The following PLA2G3 variants were observed in gnomAD, a reference collection of about 807,000 sequenced individuals.
PLA2G3 encodes the protein phospholipase A2 group III, also known as group 3 secretory phospholipase A2.
In PLA2G3, 39 loss-of-function variants were observed where a neutral mutation model predicts 51.3. The ratio of observed to expected loss-of-function variants is 0.76; its 90% CI spans 0.59 to 0.99. PLA2G3 has a LOEUF of 0.99. PLA2G3 is among the 50% of genes least tolerant of loss of function. PLA2G3 has a pLI of 0.00. For missense variants in PLA2G3, 677 were observed against 662.1 expected (o/e 1.02, Z -0.25); for synonymous variants, 293 against 263.1 (o/e 1.11, Z -1.10).
At position 31,136,951 on chromosome 22, in the gene PLA2G3, T is replaced by C. The variant is rs1922605984; in HGVS notation, c.1156A>G (p.Asn386Asp). ...GPREIEFQLLNSAQEPLFHCN... is the reference protein window; with the variant it reads ...GPREIEFQLLDSAQEPLFHCN... ...TGGAAGAGGGGCTCTTGGGCGCTGT[T>C]GAGCAGCTGGAACTCGATTTCCCGG... The change falls in exon 5 of 7, where the codon AAC becomes GAC. Residue 386 changes from asparagine (N) to aspartate (D), a missense_variant. By Grantham distance (23) the Asn-to-Asp change is conservative. Coordinates refer to ENST00000215885, the MANE Select transcript of PLA2G3 (RefSeq NM_015715.5). 6.3e-7 allele frequency: 1 copy of C among 1,599,632 alleles called. No individual in the cohort carries two copies. Among genetic ancestry groups the C allele is most frequent in the Admixed American group, 1.8e-5 (1 of 56,760 alleles).
In PLA2G3 at chr22:31,138,708, G is replaced by C; in HGVS notation, c.606C>G (p.Asn202Lys). Residue 202 changes from asparagine to lysine, a missense_variant, in exon 2 of 7, where the codon AAC becomes AAG. Asn to Lys is a moderately conservative substitution (Grantham distance 94, BLOSUM62 0). Coordinates refer to ENST00000215885, the MANE Select transcript of PLA2G3 (RefSeq NM_015715.5). ...AGTGGGAGATGGTGTGGAATCGGTA[G>C]TTTCGGATGCCATAGTTGTACTGCA... ...SPLQYNYGIR[N>K]YRFHTISHCD... The C allele has an allele frequency of 1.2e-6, 2 of 1,614,144 alleles. No individual in the cohort carries two copies. Among genetic ancestry groups the C allele is most frequent in the Non-Finnish European group, 1.7e-6 (2 of 1,180,012 alleles).
In PLA2G3 at chr22:31,140,282, G is replaced by A. The variant is rs1167501847; in HGVS notation, c.73C>T (p.Arg25Cys). ...AAGTGGCAGGAGGTCCTGTACCAGC[G>A]GAGGGCAGGGGAGCCCCCCAGGGCC... is the stretch of plus-strand genomic sequence containing the variant. Reference protein sequence around the residue: ...GVALGGSPALRWYRTSCHLTK... With the variant: ...GVALGGSPALCWYRTSCHLTK... The change falls in exon 1 of 7, where the codon CGC (arginine) becomes TGC (cysteine). Residue 25 changes from arginine to cysteine, a missense_variant. Arg to Cys is a radical substitution (Grantham distance 180). Transcript: ENST00000215885. 12 of 1,611,570 alleles carry A rather than the reference G, an allele frequency of 7.4e-6. No individual in the cohort carries two copies. In the East Asian group the frequency reaches 1.3e-4, roughly 18 times the overall value.
At chr22:31,137,624 A>G in intron 4 of PLA2G3, 86 bp downstream of exon 4, 1 of 1,239,710 alleles carries the variant, frequency 8.1e-7, no homozygotes, top group Non-Finnish European at 1.1e-6. Context: ...CTGGTGCAGG[A>G]AAAGAGGCAA....
rs1482962814 is a variant in PLA2G3 at position 31,134,974 on chromosome 22, CTTA to C, written c.*746_*748del. The C allele has an allele frequency of 6.5e-6, 1 of 152,912 alleles. No homozygotes were observed. The highest frequency in any genetic ancestry group is 1.5e-5 in the Non-Finnish European group (1 of 68,616). The allele number at this position is 152,912 out of a possible 1,614,324, so 9.5% of individuals were successfully genotyped here. A position where few individuals can be genotyped will look rare whatever the true frequency, so the allele number is the denominator to read the frequency against. On this transcript the variant is annotated 3_prime_UTR_variant, in exon 7 of 7. Coordinates refer to ENST00000215885, the MANE Select transcript of PLA2G3 (RefSeq NM_015715.5). Reference sequence around the variant, plus strand: ...CAGCTAGGTGTCGCAGGGGGGAATACTTATTAAGTGCTAAGCACTGTATATGTA... The same window carrying C: ...CAGCTAGGTGTCGCAGGGGGGAATACTTAAGTGCTAAGCACTGTATATGTA...
At chr22:31,135,976 C>G in intron 6 of PLA2G3, 40 bp from the exon 7 acceptor site, 1 of 1,530,626 alleles carries the variant, frequency 6.5e-7, no homozygotes, top group Non-Finnish European at 9.0e-7. Context: ...TCAGGGCTGA[C>G]AAGGATCCCA....
intron 1 of PLA2G3, among the ~76,000 whole-genome samples, chr22:31,139,551 T>G (rs80290705): frequency 2.0e-5 from 3 of 152,098 alleles, no homozygotes; most frequent in Non-Finnish European, 4.4e-5. Context: ...TCCTGGGTAA[T>G]GGCTTTTTGG....
In PLA2G3 at chr22:31,139,984, C is replaced by T; in HGVS notation, c.371G>A (p.Ser124Asn). ...QWEACRALEE[S>N]PAGARKKRAA... ...TCGCTTCTTCCTGGCCCCTGCTGGA[C>T]TCTCCTCAAGCGCTCGGCATGCCTC... Residue 124 changes from serine to asparagine, a missense_variant, in exon 1 of 7, where the codon AGT becomes AAT. By Grantham distance (46) the Ser-to-Asn change is conservative (BLOSUM62 1). Transcript: ENST00000215885. 6.2e-7 allele frequency: 1 copy of T among 1,613,966 alleles called. No homozygotes were observed. Among genetic ancestry groups the T allele is most frequent in the Non-Finnish European group, 8.5e-7 (1 of 1,180,040 alleles).
chr22:31,138,854 C>T, intron 1 of PLA2G3, 55 bp from the exon 2 acceptor site: 1 of 1,584,956 alleles, frequency 6.3e-7, no homozygotes, highest in South Asian at 1.1e-5. Flanking sequence ...AGGCATCATG[C>T]ACCAGCTATG....
Position 31,135,805 on chromosome 22 carries a change from G to A in PLA2G3, c.1448C>T (p.Pro483Leu). 6.2e-7 allele frequency: 1 copy of A among 1,614,014 alleles called. No individual in the cohort carries two copies. The highest frequency in any genetic ancestry group is 2.2e-5 in the East Asian group (1 of 44,884). ...CAGGCACTGGTTGTAGAATGACATG[G>A]GGCCTCTCAGGGGCTCTGAAGGCCA... ...QPWPSEPLRG[P>L]MSFYNQCLQL... The change falls in exon 7 of 7, where the codon CCC becomes CTC. Residue 483 changes from proline to leucine, a missense_variant. Pro to Leu is a moderately conservative substitution (Grantham distance 98). Coordinates refer to ENST00000215885, the MANE Select transcript of PLA2G3 (RefSeq NM_015715.5).
intron 6 of PLA2G3, 80 bp downstream of exon 6, chr22:31,136,602 TG>T: frequency 9.2e-7 from 1 of 1,089,162 alleles, no homozygotes; most frequent in Non-Finnish European, 1.4e-6. Flanking sequence ...CCCTACCCCT[TG>T]GCCCAAGCAT....
intron 3 of PLA2G3, 123 bp from the exon 4 acceptor site, chr22:31,138,116 G>A (rs573186627): frequency 9.0e-6 from 12 of 1,334,356 alleles, no homozygotes; most frequent in African/African-American, 7.3e-5. Flanking sequence ...GGTTGTGGGG[G>A]ACACCCAAGG....
rs1922736441 is a variant in PLA2G3 at position 31,138,746 on chromosome 22, T to C, written c.568A>G (p.Asn190Asp). ...TAGTTGTACTGCAAGGGTGAGATGT[T>C]CTGTGGGCAGCGGTCATGTTCCCGG... is the stretch of plus-strand genomic sequence containing the variant. ...CCREHDRCPQ[N>D]ISPLQYNYGI... is the part of the protein sequence containing the mutation. The change falls in exon 2 of 7, where the codon AAC (asparagine) becomes GAC (aspartate). Residue 190 changes from asparagine to aspartate, a missense_variant. By Grantham distance (23) the Asn-to-Asp change is conservative. Coordinates refer to ENST00000215885, the MANE Select transcript of PLA2G3 (RefSeq NM_015715.5). 6.2e-7 allele frequency: 1 copy of C among 1,613,892 alleles called. No individual in the cohort carries two copies. Among genetic ancestry groups the C allele is most frequent in the Non-Finnish European group, 8.5e-7 (1 of 1,180,000 alleles).
In PLA2G3 at chr22:31,140,318, A is replaced by G. The variant is rs1386180712; in HGVS notation, c.37T>C (p.Phe13Leu). 1 of 1,608,616 alleles carries G rather than the reference A, an allele frequency of 6.2e-7. No homozygotes were observed. Among genetic ancestry groups the G allele is most frequent in the African/African-American group, 1.3e-5 (1 of 74,880 alleles). ...GAGCCCCCCAGGGCCACCCCCAGGA[A>G]GCCCAGCATCCCAAACAGCCCTGCC... is the stretch of plus-strand genomic sequence containing the variant. ...VQAGLFGMLG[F>L]LGVALGGSPA... is the part of the protein sequence containing the mutation. The change falls in exon 1 of 7, where the codon TTC becomes CTC. Residue 13 changes from phenylalanine (F) to leucine (L), a missense_variant. By Grantham distance (22) the Phe-to-Leu change is conservative. Coordinates refer to ENST00000215885, the MANE Select transcript of PLA2G3 (RefSeq NM_015715.5).
Position 31,136,716 on chromosome 22 carries a change from A to G in PLA2G3, c.1283T>C (p.Leu428Pro), listed in dbSNP as rs142563030. 1,249 of 1,613,404 alleles carry G rather than the reference A, an allele frequency of 7.7e-4. 4 individuals carry two copies. Among genetic ancestry groups the G allele is most frequent in the Middle Eastern group, 4.0e-3 (24 of 6,052 alleles). ...TTCCACACAGTCCAGTGGAGGGGCC[A>G]GCTTGAAGCAGGTTGTGCCCAGCAG... ...WELLGTTCFK[L>P]APPLDCVEGK... is the part of the protein sequence containing the mutation. The change falls in exon 6 of 7, where the codon CTG (leucine) becomes CCG (proline). Residue 428 changes from leucine to proline, a missense_variant. Coordinates refer to ENST00000215885, the MANE Select transcript of PLA2G3 (RefSeq NM_015715.5).
At chr22:31,138,140 C>G (rs1479409690) in intron 3 of PLA2G3, 136 bp downstream of exon 3, 1 of 1,350,648 alleles carries the variant, frequency 7.4e-7, no homozygotes. Flanking sequence ...GTCTGCATCC[C>G]GGGCCCTCAG....
chr22:31,137,818 G>A lies in PLA2G3; in HGVS notation c.958C>T (p.Arg320Cys), dbSNP rs1241517651. Reference sequence around the variant, plus strand: ...GCTGTGGTGTTGGCTTTGCTGGGGCGCTTGGACCCTTTCTGATGTGGTGGC... The same window carrying A: ...GCTGTGGTGTTGGCTTTGCTGGGGCACTTGGACCCTTTCTGATGTGGTGGC... ...KGPPHQKGSK[R>C]PSKANTTALQ... The change falls in exon 4 of 7, where the codon CGC becomes TGC. Residue 320 changes from arginine to cysteine, a missense_variant. Arg to Cys is a radical substitution (Grantham distance 180). Transcript: ENST00000215885. 5.0e-6 allele frequency: 8 copies of A among 1,613,978 alleles called. No homozygotes were observed. Among genetic ancestry groups the A allele is most frequent in the African/African-American group, 2.7e-5 (2 of 74,916 alleles).
chr22:31,138,205 T>G lies in PLA2G3; in HGVS notation c.782+71A>C, dbSNP rs910113410. The G allele has an allele frequency of 1.9e-6, 3 of 1,554,572 alleles. No homozygotes were observed. In the African/African-American group the frequency reaches 4.1e-5, roughly 21 times the overall value. ...CCTGGAAGACAGACAGACAGATAGCTCTCCCTCACCAGGCTTGGAGCCTGG... is the reference window on the plus strand; with the variant it reads ...CCTGGAAGACAGACAGACAGATAGCGCTCCCTCACCAGGCTTGGAGCCTGG... On this transcript the variant is annotated intron_variant, in intron 3 of 6. Transcript: ENST00000215885.
At chr22:31,137,065 G>A in intron 4 of PLA2G3, 25 bp from the exon 5 acceptor site, 2 of 1,496,642 alleles carry the variant, frequency 1.3e-6, no homozygotes, top group Non-Finnish European at 1.8e-6. Flanking sequence ...TGGTGTTGAT[G>A]GGAGCCCAAT....
chr22:31,138,189 C>A, intron 3 of PLA2G3, 87 bp downstream of exon 3: 2 of 1,497,666 alleles, frequency 1.3e-6, no homozygotes, highest in Admixed American at 1.9e-5. Context: ...CCCTGGAAGA[C>A]AGACAGACAG....
Sources: gnomAD v4.1 joint callset for allele counts (sites outside exome capture counted in the v4.1 genomes callset) on GRCh38, gnomAD v4.1.1 for gene constraint, MANE v1.5 for transcripts, NCBI Gene and HGNC (gene_info 2026-07-23, HGNC 2026-07-21) for gene names.